Variants in PRKCZ observed in about 807,000 individuals in gnomAD.
PRKCZ encodes the protein protein kinase C zeta, also known as protein kinase C zeta type.
PRKCZ carries 33 observed loss-of-function variants against 79.5 expected under a neutral mutation model. That is an observed-to-expected ratio of 0.41 (90% confidence interval 0.31 to 0.55). The LOEUF (loss-of-function observed/expected upper bound fraction) is 0.55, where lower values mean the gene tolerates loss of function less well. PRKCZ is among the 20% of genes least tolerant of loss of function. PRKCZ has a pLI of 0.19. For synonymous variants in PRKCZ, 342 were observed against 320.9 expected, an observed-to-expected ratio of 1.07 and a Z score of -0.70; for missense variants, 578 against 813.5, an observed-to-expected ratio of 0.71 and a Z score of 3.52.
intron 4 of PRKCZ, among the ~76,000 whole-genome samples, chr1:2,095,266 C>T (rs1393662371): frequency 2.0e-5 from 3 of 152,200 alleles, no homozygotes; most frequent in Non-Finnish European, 4.4e-5. Context: ...TAGGGGAGGG[C>T]CTGCCCTCCT....
rs1171512885 is a variant in PRKCZ at position 2,082,708 on chromosome 1, G to A, written c.334+23117G>A. Among the ~76,000 whole-genome samples the A allele has an allele frequency of 6.9e-6, 1 of 143,942 alleles. No individual in the cohort carries two copies. The highest frequency in any genetic ancestry group is 1.5e-5 in the Non-Finnish European group (1 of 65,486). 94.4% of individuals were successfully genotyped at this position (143,942 alleles called of 152,430 possible). On this transcript the variant is annotated intron_variant, in intron 4 of 17. Transcript: ENST00000378567. This position sits in a 1 kb window ranked among gnomAD's most constrained non-coding sequence, Gnocchi z 4.4. ...TGGTCCCCCCGCCCAACCCTCCCCT[G>A]GAGATGGGATGTCAGGAGACCTGGT...
chr1:2,102,357 A>G (rs776070598), intron 4 of PRKCZ, among the ~76,000 whole-genome samples: 4 of 149,880 alleles, frequency 2.7e-5, no homozygotes, highest in Non-Finnish European at 4.4e-5. Context: ...TTTTGAGATG[A>G]AGTCTCACTG....
At chr1:2,169,745 C>T in intron 11 of PRKCZ, 141 bp downstream of exon 11, 4 of 172,356 alleles carry the variant, frequency 2.3e-5, no homozygotes, top group South Asian at 1.9e-4. Flanking sequence ...GGTGGGTGTG[C>T]GCAGAGGGGA....
At chr1:2,164,005 A>T (rs1337004619) in intron 10 of PRKCZ, among the ~76,000 whole-genome samples, 1 of 152,172 alleles carries the variant, frequency 6.6e-6, no homozygotes, top group Non-Finnish European at 1.5e-5. Flanking sequence ...TCCTGGAATG[A>T]ATGGTGTCAT....
intron 4 of PRKCZ, among the ~76,000 whole-genome samples, chr1:2,124,574 G>T (rs1673498200): frequency 6.6e-6 from 1 of 152,248 alleles, no homozygotes. Context: ...CGCCCTGCAG[G>T]TTCCGTCATC....
intron 10 of PRKCZ, among the ~76,000 whole-genome samples, chr1:2,158,794 A>G: frequency 6.6e-6 from 1 of 152,184 alleles, no homozygotes; most frequent in Non-Finnish European, 1.5e-5. Context: ...AAGTTCCCAG[A>G]TGCGTAAACC....
intron 4 of PRKCZ, among the ~76,000 whole-genome samples, chr1:2,097,776 A>G (rs1366658510): frequency 2.0e-5 from 3 of 152,238 alleles, no homozygotes; most frequent in East Asian, 1.9e-4. Context: ...GCTGCAAAAG[A>G]AATAGCACTC....
At chr1:2,121,633 CAGT>C (rs1557612517) in intron 4 of PRKCZ, among the ~76,000 whole-genome samples, 1 of 8,704 alleles carries the variant, frequency 1.1e-4, no homozygotes, top group African/African-American at 3.3e-4. Context: ...GTTAGGGTCA[CAGT>C]GGTAGTTAGG....
chr1:2,175,581 A>C (rs1379806759), intron 16 of PRKCZ, among the ~76,000 whole-genome samples: 3 of 122,982 alleles, frequency 2.4e-5, no homozygotes, highest in African/African-American at 5.9e-5. Context: ...AACCCCTCCA[A>C]CCCCTATAAT....
intron 10 of PRKCZ, among the ~76,000 whole-genome samples, chr1:2,167,299 C>A (rs370195310): frequency 6.6e-6 from 1 of 152,240 alleles, no homozygotes; most frequent in Non-Finnish European, 1.5e-5. Context: ...TTAAATGTCC[C>A]CCAAATTCTC....
chr1:2,180,791 TC>T lies in PRKCZ; in HGVS notation c.1576-3789del, dbSNP rs551354622. Among the ~76,000 whole-genome samples the T allele has an allele frequency of 2.0e-3, 297 of 152,002 alleles. 2 individuals carry two copies. The highest frequency in any genetic ancestry group is 6.8e-3 in the African/African-American group (282 of 41,460). ...GGTTTGGGCACCAGGAGCCTGGGAG[TC>T]CCATGCTGCCCCCAGGGCACTACCT... is the stretch of plus-strand genomic sequence containing the variant. On this transcript the variant is annotated intron_variant, in intron 16 of 17. Coordinates refer to ENST00000378567, the MANE Select transcript of PRKCZ (RefSeq NM_002744.6).
At chr1:2,184,325 G>A in intron 16 of PRKCZ, 1 of 406,750 alleles carries the variant, frequency 2.5e-6, no homozygotes, top group Non-Finnish European at 4.5e-6. Flanking sequence ...CGCATGGGTG[G>A]CTGGGGATCC....
chr1:2,051,504 C>T (rs372442392), intron 1 of PRKCZ, among the ~76,000 whole-genome samples: 3 of 152,196 alleles, frequency 2.0e-5, no homozygotes, highest in South Asian at 2.1e-4. Context: ...CGAACTGGGA[C>T]CTCCGCTCCC....
chr1:2,154,369 C>T (rs1279979618), intron 9 of PRKCZ, among the ~76,000 whole-genome samples: 1 of 152,114 alleles, frequency 6.6e-6, no homozygotes, highest in Non-Finnish European at 1.5e-5. Context: ...ATTGGATCTG[C>T]CTCCGAAGAG....
At chr1:2,154,301 CAG>C (rs1167443599) in intron 9 of PRKCZ, among the ~76,000 whole-genome samples, 3 of 152,000 alleles carry the variant, frequency 2.0e-5, no homozygotes, top group Non-Finnish European at 4.4e-5. Flanking sequence ...GTCTGCAGCT[CAG>C]GGAGAGGCCG....
chr1:2,172,207 GC>G lies in PRKCZ; in HGVS notation c.1197+19del. The G allele has an allele frequency of 6.2e-7, 1 of 1,613,308 alleles. No homozygotes were observed. Among genetic ancestry groups the G allele is most frequent in the South Asian group, 1.1e-5 (1 of 91,074 alleles). On this transcript the variant is annotated intron_variant, in intron 12 of 17. Transcript: ENST00000378567. This position sits in a 1 kb window ranked among gnomAD's most constrained non-coding sequence, Gnocchi z 7.8. ...ATGTGCAAGGTGCGTGCCTTGGACCGCCTCCCCTGACCATCCCGCATGTGCG... is the reference window on the plus strand; with the variant it reads ...ATGTGCAAGGTGCGTGCCTTGGACCGCTCCCCTGACCATCCCGCATGTGCG...
At chr1:2,103,637 C>A (rs531321344) in intron 4 of PRKCZ, among the ~76,000 whole-genome samples, 1 of 152,300 alleles carries the variant, frequency 6.6e-6, no homozygotes, top group Non-Finnish European at 1.5e-5. Flanking sequence ...GGCCTAGCTA[C>A]GAGGGAGGAT....
chr1:2,059,464 A>AGG, intron 3 of PRKCZ, 77 bp from the exon 4 acceptor site: 1 of 1,552,536 alleles, frequency 6.4e-7, no homozygotes, highest in Non-Finnish European at 8.9e-7. Context: ...AGCCTGACTG[A>AGG]GGCGGGACTT....
At chr1:2,108,760 T>C (rs533350526) in intron 4 of PRKCZ, among the ~76,000 whole-genome samples, 7 of 152,248 alleles carry the variant, frequency 4.6e-5, no homozygotes, top group African/African-American at 1.7e-4. Context: ...CAGATGGAGG[T>C]GGATGAACTT....
Sources: gnomAD v4.1 joint callset for allele counts (sites outside exome capture counted in the v4.1 genomes callset) on GRCh38, gnomAD v4.1.1 for gene constraint, Gnocchi (gnomAD v3.1) non-coding constraint, MANE v1.5 for transcripts, NCBI Gene and HGNC (gene_info 2026-07-23, HGNC 2026-07-21) for gene names.